Variants in CMPK1 observed in about 807,000 individuals in gnomAD.
The protein encoded by CMPK1 is UMP-CMP kinase.
CMPK1 carries 10 observed loss-of-function variants against 25.7 expected under a neutral mutation model. The ratio of observed to expected loss-of-function variants is 0.39; its 90% CI spans 0.24 to 0.66. The LOEUF (loss-of-function observed/expected upper bound fraction) is 0.66. Ranked by LOEUF, CMPK1 falls within the 30% of genes least tolerant of loss-of-function variation. The pLI, the probability that CMPK1 is intolerant of heterozygous loss-of-function variation, is 0.48. For missense variants in CMPK1, 199 were observed against 280.5 expected (o/e 0.71, Z 2.08); for synonymous variants, 106 against 101.5 (o/e 1.04, Z -0.27).
chr1:47,337,937 G>A (rs935495978), intron 1 of CMPK1, among the ~76,000 whole-genome samples: 2 of 152,102 alleles, frequency 1.3e-5, no homozygotes, highest in African/African-American at 2.4e-5. Flanking sequence ...AGTGAAGTCA[G>A]CGGTATGTTG....
At chr1:47,336,374 G>A (rs1253204162) in intron 1 of CMPK1, among the ~76,000 whole-genome samples, 1 of 152,098 alleles carries the variant, frequency 6.6e-6, no homozygotes, top group African/African-American at 2.4e-5. Flanking sequence ...TGTTTTGTAT[G>A]GTATTTGTGA....
At chr1:47,367,779 A>T (rs555986274) in intron 1 of CMPK1, among the ~76,000 whole-genome samples, 91 of 151,788 alleles carry the variant, frequency 6.0e-4, no homozygotes, top group Non-Finnish European at 1.1e-3. Context: ...TTCTTTTTTC[A>T]CTTTTTGAGA....
At chr1:47,346,815 T>C (rs1570357443) in intron 1 of CMPK1, among the ~76,000 whole-genome samples, 2 of 151,466 alleles carry the variant, frequency 1.3e-5, no homozygotes, top group Admixed American at 1.3e-4. Flanking sequence ...TTTGTTTGCC[T>C]TCCTCTCCCC....
Position 47,362,192 on chromosome 1 carries a change from G to A in CMPK1, c.172-6277G>A, listed in dbSNP as rs1646608059. 3.2e-5 allele frequency among the ~76,000 whole-genome samples: 4 copies of A among 123,194 alleles called. No individual in the cohort carries two copies. In the South Asian group the frequency reaches 1.2e-3, roughly 36 times the overall value. The allele number at this position is 123,194 out of a possible 152,430, so 80.8% of individuals were successfully genotyped here. A position where few individuals can be genotyped will look rare whatever the true frequency, so the allele number is the denominator to read the frequency against. ...GCCTTTTTTTTTTTTTTTTCGAGACGGAGTTTGGCTCTTGTTGCCTAGGCT... is the reference window on the plus strand; with the variant it reads ...GCCTTTTTTTTTTTTTTTTCGAGACAGAGTTTGGCTCTTGTTGCCTAGGCT... On this transcript the variant is annotated intron_variant, in intron 1 of 5. Coordinates refer to ENST00000371873, the MANE Select transcript of CMPK1 (RefSeq NM_016308.3).
intron 1 of CMPK1, among the ~76,000 whole-genome samples, chr1:47,334,671 C>T (rs963000130): frequency 2.6e-5 from 4 of 152,194 alleles, no homozygotes; most frequent in Non-Finnish European, 5.9e-5. Context: ...TGGGCTGCCG[C>T]TGGCACTCTC....
At chr1:47,375,698 T>G (rs1490433880) in intron 5 of CMPK1, among the ~76,000 whole-genome samples, 1 of 152,260 alleles carries the variant, frequency 6.6e-6, no homozygotes, top group Non-Finnish European at 1.5e-5. Context: ...GCAAGTCATC[T>G]AGCTCAAGAG....
chr1:47,357,543 GGT>G lies in CMPK1; in HGVS notation c.172-10922_172-10921del, dbSNP rs1646570571. Among the ~76,000 whole-genome samples, 6 of 149,692 alleles carry G rather than the reference GGT, an allele frequency of 4.0e-5. No individual in the cohort carries two copies. In the Admixed American group the frequency reaches 4.0e-4, roughly 10 times the overall value. ...TCTATTGCCTTGGCTGAAGTGCGGT[GGT>G]GTGATCTCAGCTCACTGCAACCTCT... is the stretch of plus-strand genomic sequence containing the variant. On this transcript the variant is annotated intron_variant, in intron 1 of 5. Coordinates refer to ENST00000371873, the MANE Select transcript of CMPK1 (RefSeq NM_016308.3).
chr1:47,355,085 C>G (rs368137117), intron 1 of CMPK1, among the ~76,000 whole-genome samples: 1 of 151,226 alleles, frequency 6.6e-6, no homozygotes, highest in Admixed American at 6.6e-5. Context: ...GAATCTTTGT[C>G]GCTCAGGTTG....
chr1:47,365,271 C>T (rs1355976503), intron 1 of CMPK1, among the ~76,000 whole-genome samples: 3 of 137,216 alleles, frequency 2.2e-5, no homozygotes, highest in African/African-American at 2.7e-5. Flanking sequence ...CCCTGAAGAT[C>T]TTTTTTTTTT....
intron 1 of CMPK1, among the ~76,000 whole-genome samples, chr1:47,334,712 G>C (rs1646383577): frequency 6.6e-6 from 1 of 152,168 alleles, no homozygotes; most frequent in Admixed American, 6.5e-5. Context: ...TTAGGGCGGA[G>C]CCAGCCCTGA....
chr1:47,376,741 G>T lies in CMPK1; in HGVS notation c.683G>T (p.Gly228Val). ...DEVVQIFDKE[G>V] ...GTTGTGCAGATTTTTGACAAGGAAG[G>T]CTAATTCTAAACCTGAAGGCATCCT... Residue 228 changes from glycine (G) to valine (V), a missense_variant, in exon 6 of 6, where the codon GGC becomes GTC. Around this residue, in one of 2 missense-constraint regions of CMPK1, gnomAD observed 140 missense variants for 235.5 expected, o/e 0.59. Coordinates refer to ENST00000371873, the MANE Select transcript of CMPK1 (RefSeq NM_016308.3). 1.3e-6 allele frequency: 2 copies of T among 1,574,386 alleles called. No homozygotes were observed. The highest frequency in any genetic ancestry group is 1.7e-5 in the Admixed American group (1 of 59,264).
chr1:47,342,089 T>C (rs1212932516), intron 1 of CMPK1, among the ~76,000 whole-genome samples: 1 of 149,674 alleles, frequency 6.7e-6, no homozygotes, highest in Admixed American at 6.7e-5. Context: ...TATTTTTTAT[T>C]TTATTTTTTT....
chr1:47,335,405 G>C (rs1249255489), intron 1 of CMPK1, among the ~76,000 whole-genome samples: 1 of 152,086 alleles, frequency 6.6e-6, no homozygotes, highest in African/African-American at 2.4e-5. Flanking sequence ...TTGGGAGGCC[G>C]AGGCTGGCGG....
intron 1 of CMPK1, among the ~76,000 whole-genome samples, chr1:47,360,105 C>T (rs1311478500): frequency 1.3e-5 from 2 of 152,146 alleles, no homozygotes; most frequent in East Asian, 1.9e-4. Context: ...ACTAAGTGAG[C>T]GTTTCCTAAG....
Position 47,374,964 on chromosome 1 carries a change from A to G in CMPK1, c.527A>G (p.Asn176Ser), listed in dbSNP as rs1177878163. 1 of 1,613,036 alleles carries G rather than the reference A, an allele frequency of 6.2e-7. No individual in the cohort carries two copies. Among genetic ancestry groups the G allele is most frequent in the Admixed American group, 1.7e-5 (1 of 60,000 alleles). ...RGKSSGRSDD[N>S]RESLEKRIQT... ...AAGAGTAGTGGTAGGAGTGATGACA[A>G]CAGAGAGAGCTTGGAAAAGAGGTAC... The change falls in exon 4 of 6, where the codon AAC (asparagine) becomes AGC (serine). Residue 176 changes from asparagine (N) to serine (S), a missense_variant. Transcript: ENST00000371873.
intron 1 of CMPK1, among the ~76,000 whole-genome samples, chr1:47,351,714 T>G (rs1646523583): frequency 6.6e-6 from 1 of 152,192 alleles, no homozygotes; most frequent in South Asian, 2.1e-4. Flanking sequence ...TATACAAAGG[T>G]TCCAGTTTCT....
intron 1 of CMPK1, among the ~76,000 whole-genome samples, chr1:47,366,101 C>T (rs1333271918): frequency 1.3e-5 from 2 of 152,032 alleles, no homozygotes; most frequent in South Asian, 4.1e-4. Context: ...GGCTGAGGCA[C>T]GCGAATTGCT....
intron 5 of CMPK1, among the ~76,000 whole-genome samples, chr1:47,375,540 T>A (rs1646702536): frequency 1.3e-5 from 2 of 151,800 alleles, no homozygotes; most frequent in Admixed American, 1.3e-4. Flanking sequence ...AAAATTAGGG[T>A]TTTTTTCCTT....
At chr1:47,351,982 A>C (rs1646525666) in intron 1 of CMPK1, among the ~76,000 whole-genome samples, 1 of 152,096 alleles carries the variant, frequency 6.6e-6, no homozygotes, top group South Asian at 2.1e-4. Context: ...CTAAAAATAC[A>C]AAAAATGAGC....
Sources: allele counts gnomAD v4.1 joint callset (sites outside exome capture counted in the v4.1 genomes callset), GRCh38; gene constraint gnomAD v4.1.1; regional missense constraint gnomAD v4.1.1; transcripts MANE v1.5; gene names NCBI Gene and HGNC (gene_info 2026-07-23, HGNC 2026-07-21).